Variants in UBL7 observed in about 807,000 individuals in gnomAD.
UBL7 encodes the protein ubiquitin like 7.
A neutral mutation model predicts 41.7 loss-of-function variants in UBL7; 21 were observed. The ratio of observed to expected loss-of-function variants is 0.50; its 90% CI spans 0.36 to 0.73. The LOEUF (loss-of-function observed/expected upper bound fraction) is 0.73. UBL7 is among the 30% of genes least tolerant of loss of function. UBL7 has a pLI of 0.00. For synonymous variants in UBL7, 157 were observed against 186.9 expected (o/e 0.84, Z 1.31); for missense variants, 403 against 478.4 (o/e 0.84, Z 1.47).
chr15:74,446,324 A>C lies in UBL7; in HGVS notation c.1006-97T>G. On this transcript the variant is annotated intron_variant, in intron 10 of 10. Transcript: ENST00000395081. The surrounding 1 kb of genome is among the most constrained non-coding windows in gnomAD (Gnocchi z 4.1). The stretch of plus-strand genomic sequence containing the variant: ...CCGGGGAAGGAAAGGAAGATGGGGG[A>C]GTCCTCAGCAAAGCTGCTGATGCTG... 6.7e-7 allele frequency: 1 copy of C among 1,502,990 alleles called. No homozygotes were observed. Among genetic ancestry groups the C allele is most frequent in the Non-Finnish European group, 9.0e-7 (1 of 1,110,080 alleles). The allele number at this position is 1,502,990 out of a possible 1,614,324, so 93.1% of individuals were successfully genotyped here.
At chr15:74,450,158 T>C (rs996224549) in intron 6 of UBL7, 89 bp from the exon 7 acceptor site, 1 of 1,414,140 alleles carries the variant, frequency 7.1e-7, no homozygotes, top group African/African-American at 1.4e-5. Flanking sequence ...CTCACAACAA[T>C]GCAGCCACCT....
At position 74,446,446 on chromosome 15, in the gene UBL7, T is replaced by C. The variant is rs1267094145; in HGVS notation, c.1006-219A>G. On this transcript the variant is annotated intron_variant, in intron 10 of 10. Coordinates refer to ENST00000395081, the MANE Select transcript of UBL7 (RefSeq NM_032907.5). This position sits in a 1 kb window ranked among gnomAD's most constrained non-coding sequence, Gnocchi z 4.1. ...TTTTACAATAAAAAAAGGAAATTCTTGGCATAAGGATCAAAAGAGAATGTA... is the reference window on the plus strand; with the variant it reads ...TTTTACAATAAAAAAAGGAAATTCTCGGCATAAGGATCAAAAGAGAATGTA... Among the ~76,000 whole-genome samples, 2 of 152,228 alleles carry C rather than the reference T, an allele frequency of 1.3e-5. No homozygotes were observed. Among genetic ancestry groups the C allele is most frequent in the Non-Finnish European group, 2.9e-5 (2 of 68,042 alleles).
chr15:74,447,831 C>A lies in UBL7; in HGVS notation c.1005+647G>T, dbSNP rs914793457. Among the ~76,000 whole-genome samples, 4 of 152,124 alleles carry A rather than the reference C, an allele frequency of 2.6e-5. No homozygotes were observed. In the South Asian group the frequency reaches 6.2e-4, roughly 24 times the overall value. ...TCGTAGGCTCCTGCTCTTTCTCTGGCCCCATCTGCGGATCTTCTACACTGG... is the reference window on the plus strand; with the variant it reads ...TCGTAGGCTCCTGCTCTTTCTCTGGACCCATCTGCGGATCTTCTACACTGG... On this transcript the variant is annotated intron_variant, in intron 10 of 10. Transcript: ENST00000395081.
chr15:74,448,967 G>C (rs997384501), intron 9 of UBL7, among the ~76,000 whole-genome samples: 14 of 152,118 alleles, frequency 9.2e-5, no homozygotes, highest in Non-Finnish European at 1.3e-4. Flanking sequence ...GAACTAATAG[G>C]GGGGACTACA....
intron 2 of UBL7, among the ~76,000 whole-genome samples, chr15:74,457,576 T>TAC (rs895068698): frequency 6.9e-6 from 1 of 144,554 alleles, no homozygotes; most frequent in Non-Finnish European, 1.5e-5. Context: ...TATACACACA[T>TAC]ACACACAAAA....
At chr15:74,457,971 T>TGGAG (rs1342080532) in intron 2 of UBL7, among the ~76,000 whole-genome samples, 4 of 151,918 alleles carry the variant, frequency 2.6e-5, no homozygotes, top group Non-Finnish European at 4.4e-5. Context: ...CCACCTGGAC[T>TGGAG]GCCCACGCCA....
In UBL7 at chr15:74,446,146, T is replaced by C; in HGVS notation, c.1087A>G (p.Thr363Ala). 3 of 1,614,036 alleles carry C rather than the reference T, an allele frequency of 1.9e-6. No individual in the cohort carries two copies. The highest frequency in any genetic ancestry group is 1.7e-6 in the Non-Finnish European group (2 of 1,179,986). Residue 363 changes from threonine (T) to alanine (A), a missense_variant, in exon 11 of 11, where the codon ACC becomes GCC. Thr to Ala is a moderately conservative substitution (Grantham distance 58, BLOSUM62 0). Coordinates refer to ENST00000395081, the MANE Select transcript of UBL7 (RefSeq NM_032907.5). This position sits in a 1 kb window ranked among gnomAD's most constrained non-coding sequence, Gnocchi z 4.1. ...AGGGCTGCTTGGATGTCCCCACCGG[T>C]GGCCTGCAGGGCCCGCAGGCTCAGC... ...DELSLRALQA[T>A]GGDIQAALEL... is the part of the protein sequence containing the mutation.
intron 10 of UBL7, among the ~76,000 whole-genome samples, chr15:74,447,457 C>A (rs914979827): frequency 1.2e-4 from 18 of 152,172 alleles, no homozygotes; most frequent in African/African-American, 4.1e-4. Flanking sequence ...AATCCCAGAA[C>A]TCTGGGAGGC....
rs577548667 is a variant in UBL7, at chr15:74,456,660, A to G, written c.196T>C (p.Cys66Arg). Residue 66 changes from cysteine to arginine, a missense_variant, in exon 3 of 11, where the codon TGT (cysteine) becomes CGT (arginine). Coordinates refer to ENST00000395081, the MANE Select transcript of UBL7 (RefSeq NM_032907.5). Reference protein sequence around the residue: ...PDPELIDLIYCGRKLKDDQTL... With the variant: ...PDPELIDLIYRGRKLKDDQTL... Reference sequence around the variant, plus strand: ...TGGTCATCTTTTAGCTTCCGACCACAGTAGATCAGATCTAAAAAAAGAACT... The same window carrying G: ...TGGTCATCTTTTAGCTTCCGACCACGGTAGATCAGATCTAAAAAAAGAACT... 5.0e-6 allele frequency: 8 copies of G among 1,613,774 alleles called. No individual in the cohort carries two copies. The highest frequency in any genetic ancestry group is 2.2e-5 in the East Asian group (1 of 44,882).
At chr15:74,454,203 T>C (rs1264435657) in intron 3 of UBL7, among the ~76,000 whole-genome samples, 1 of 152,160 alleles carries the variant, frequency 6.6e-6, no homozygotes, top group African/African-American at 2.4e-5. Context: ...GCCACTGTAA[T>C]GATTAAATGA....
intron 4 of UBL7, 142 bp downstream of exon 4, chr15:74,452,154 G>T: frequency 1.3e-6 from 1 of 745,164 alleles, no homozygotes; most frequent in Non-Finnish European, 2.2e-6. Flanking sequence ...GCTCTACTGA[G>T]GCCCACAGAC....
In UBL7 at chr15:74,461,037, C is replaced by T; in HGVS notation, c.-30G>A. On this transcript the variant is annotated splice_region_variant and 5_prime_UTR_variant, in exon 1 of 11. Coordinates refer to ENST00000395081, the MANE Select transcript of UBL7 (RefSeq NM_032907.5). Reference sequence around the variant, plus strand: ...GAACACTATCCGGTGGCGACCTCACCGCTCCAGTGGGACCAGCTACTTGGC... The same window carrying T: ...GAACACTATCCGGTGGCGACCTCACTGCTCCAGTGGGACCAGCTACTTGGC... The T allele has an allele frequency of 9.5e-7, 1 of 1,050,916 alleles. No homozygotes were observed. The highest frequency in any genetic ancestry group is 2.7e-5 in the South Asian group (1 of 36,602). The allele number at this position is 1,050,916 out of a possible 1,614,324, so 65.1% of individuals were successfully genotyped here.
chr15:74,456,229 C>T (rs1056023472), intron 3 of UBL7, among the ~76,000 whole-genome samples: 2 of 151,836 alleles, frequency 1.3e-5, no homozygotes, highest in African/African-American at 2.4e-5. Flanking sequence ...ACCTGGGAGG[C>T]GGAGGTTGCA....
Position 74,459,614 on chromosome 15 carries a change from G to A in UBL7, c.-29-718C>T, listed in dbSNP as rs2061328822. ...TTACAGGCATGAGCGACTGCGCCTG[G>A]CCACAACCCATCATTCTAAAACACA... On this transcript the variant is annotated intron_variant, in intron 1 of 10. Coordinates refer to ENST00000395081, the MANE Select transcript of UBL7 (RefSeq NM_032907.5). Among the ~76,000 whole-genome samples, 5 of 151,770 alleles carry A rather than the reference G, an allele frequency of 3.3e-5. No homozygotes were observed. The South Asian group carries it at 1.0e-3, about 32-fold the overall frequency.
chr15:74,460,018 G>T (rs1011890292), intron 1 of UBL7, among the ~76,000 whole-genome samples: 1 of 150,526 alleles, frequency 6.6e-6, no homozygotes, highest in Non-Finnish European at 1.5e-5. Context: ...GCGGAGGACG[G>T]ATCACTTAAG....
Position 74,449,923 on chromosome 15 carries a change from T to A in UBL7, c.664+13A>T. On this transcript the variant is annotated intron_variant, in intron 7 of 10. Coordinates refer to ENST00000395081, the MANE Select transcript of UBL7 (RefSeq NM_032907.5). Reference sequence around the variant, plus strand: ...CTCCTGAGGGGCCCACATTACACTTTTCAGGCGCTCACCTGGCATATCCCG... The same window carrying A: ...CTCCTGAGGGGCCCACATTACACTTATCAGGCGCTCACCTGGCATATCCCG... The A allele has an allele frequency of 6.2e-7, 1 of 1,607,088 alleles. No homozygotes were observed. The highest frequency in any genetic ancestry group is 8.5e-7 in the Non-Finnish European group (1 of 1,176,794).
chr15:74,448,409 CA>C, intron 10 of UBL7, 68 bp downstream of exon 10: 1 of 1,600,914 alleles, frequency 6.2e-7, no homozygotes, highest in Non-Finnish European at 8.5e-7. Flanking sequence ...CGCCAGAGAG[CA>C]AAACAAAGGC....
In UBL7 at chr15:74,452,296, C is replaced by T. The variant is rs1182590241; in HGVS notation, c.387G>A (p.Ala129=). 14 of 1,555,336 alleles carry T rather than the reference C, an allele frequency of 9.0e-6. No individual in the cohort carries two copies. The highest frequency in any genetic ancestry group is 2.4e-5 in the East Asian group (1 of 41,516). The change falls in exon 4 of 11, where the codon GCG becomes GCA. Residue 129 remains alanine, a splice_region_variant and synonymous_variant. Coordinates refer to ENST00000395081, the MANE Select transcript of UBL7 (RefSeq NM_032907.5). ...GCTGGGGGCCGCAGCACACACTCAC[C>T]GCCTCCCTGTAAGAGGAGCTGCTGT... is the stretch of plus-strand genomic sequence containing the variant. ...ALHSSSSYRE[A]VFKMLSNKES...
intron 3 of UBL7, among the ~76,000 whole-genome samples, chr15:74,456,058 C>T (rs1055660440): frequency 2.0e-5 from 3 of 149,128 alleles, no homozygotes; most frequent in South Asian, 2.1e-4. Context: ...ACCCGGGAGG[C>T]GGAGCTTGCA....
Sources: allele counts gnomAD v4.1 joint callset (sites outside exome capture counted in the v4.1 genomes callset), GRCh38; gene constraint gnomAD v4.1.1; non-coding constraint Gnocchi (gnomAD v3.1); transcripts MANE v1.5; gene names NCBI Gene and HGNC (gene_info 2026-07-23, HGNC 2026-07-21).